The following ZNF225 variants were observed in gnomAD, a reference collection of about 807,000 sequenced individuals.
The protein encoded by ZNF225 is zinc finger protein 225.
In ZNF225, 6 loss-of-function variants were observed where a neutral mutation model predicts 12.0. That is an observed-to-expected ratio of 0.50 (90% CI 0.27 to 0.98). ZNF225 has a LOEUF of 0.98. Among genes scored for constraint, ZNF225 ranks in the 50% least tolerant of loss-of-function variants. ZNF225 has a pLI of 0.11. For missense variants in ZNF225, 763 were observed against 848.2 expected, an observed-to-expected ratio of 0.90 and a Z score of 1.25; for synonymous variants, 271 against 283.2, an observed-to-expected ratio of 0.96 and a Z score of 0.43.
At chr19:44,127,806 T>G (rs565851329) in intron 4 of ZNF225, among the ~76,000 whole-genome samples, 9 of 151,972 alleles carry the variant, frequency 5.9e-5, no homozygotes, top group Non-Finnish European at 1.3e-4. Flanking sequence ...GCCCAGCTAA[T>G]TTTTTTGTAT....
In ZNF225 at chr19:44,128,912, A is replaced by G. The variant is rs1968195900; in HGVS notation, c.236-1938A>G. ...ATATTTTTTCTGCTATCTGTTTTCA[A>G]TGAGACAGTCCAATAACTTCACATG... On this transcript the variant is annotated intron_variant, in intron 4 of 4. Transcript: ENST00000262894. 8.5e-6 allele frequency: 4 copies of G among 470,656 alleles called. No individual in the cohort carries two copies. In the South Asian group the frequency reaches 3.3e-4, roughly 39 times the overall value. 29.2% of individuals were successfully genotyped at this position (470,656 alleles called of 1,614,324 possible).
In ZNF225 at chr19:44,131,000, A is replaced by G. The variant is rs1968240365; in HGVS notation, c.386A>G (p.Asp129Gly). 2 of 1,614,086 alleles carry G rather than the reference A, an allele frequency of 1.2e-6. No individual in the cohort carries two copies. Among genetic ancestry groups the G allele is most frequent in the South Asian group, 1.1e-5 (1 of 91,090 alleles). The change falls in exon 5 of 5, where the codon GAT becomes GGT. Residue 129 changes from aspartate to glycine, a missense_variant. Coordinates refer to ENST00000262894, the MANE Select transcript of ZNF225 (RefSeq NM_013362.4). ...VNSFQFSKQD[D>G]MPCQVDAGLS... is the part of the protein sequence containing the mutation. ...AGCTTTCAGTTCTCCAAACAAGATG[A>G]TATGCCCTGCCAGGTTGATGCAGGA...
rs1247525838 is a variant in ZNF225, at chr19:44,132,786, ATG to A, written c.*55_*56del. On this transcript the variant is annotated 3_prime_UTR_variant, in exon 5 of 5. Coordinates refer to ENST00000262894, the MANE Select transcript of ZNF225 (RefSeq NM_013362.4). ...GTGTGATAGTTAATGCAAGTATACA[ATG>A]TGTAATGATCAAATCAGTGTAATTA... The A allele has an allele frequency of 2.2e-5, 30 of 1,383,646 alleles. No individual in the cohort carries two copies. The highest frequency in any genetic ancestry group is 3.9e-6 in the Non-Finnish European group (4 of 1,032,382). 85.7% of individuals were successfully genotyped at this position (1,383,646 alleles called of 1,614,324 possible).
In ZNF225 at chr19:44,133,495, A is replaced by G. The variant is rs1363566319; in HGVS notation, c.*760A>G. On this transcript the variant is annotated 3_prime_UTR_variant, in exon 5 of 5. Transcript: ENST00000262894. ...TGAGTGTCTTCAGCTGTCCTCATAC[A>G]TAATGCATGTGAGCTCGCTTTAAGC... 2 of 152,206 alleles carry G rather than the reference A, an allele frequency of 1.3e-5. No homozygotes were observed. The highest frequency in any genetic ancestry group is 2.4e-5 in the African/African-American group (1 of 41,458). The allele number at this position is 152,206 out of a possible 1,614,324, so 9.4% of individuals were successfully genotyped here.
rs1359242974 is a variant in ZNF225, at chr19:44,133,720, G to T, written c.*985G>T. 1.3e-5 allele frequency: 2 copies of T among 152,012 alleles called. No homozygotes were observed. The highest frequency in any genetic ancestry group is 4.8e-5 in the African/African-American group (2 of 41,362). 9.4% of individuals were successfully genotyped at this position (152,012 alleles called of 1,614,324 possible). A position where few individuals can be genotyped will look rare whatever the true frequency, so the allele number is the denominator to read the frequency against. On this transcript the variant is annotated 3_prime_UTR_variant, in exon 5 of 5. Coordinates refer to ENST00000262894, the MANE Select transcript of ZNF225 (RefSeq NM_013362.4). ...CGCCATTCCATTCATAGACACCGTG[G>T]TGATATTTTGAGTACATTAGGTTAA...
At position 44,124,730 on chromosome 19, in the gene ZNF225, A is replaced by G. The variant is rs1599677665; in HGVS notation, c.236-6120A>G. 2.0e-5 allele frequency among the ~76,000 whole-genome samples: 3 copies of G among 151,958 alleles called. No homozygotes were observed. The East Asian group carries it at 5.8e-4, about 29-fold the overall frequency. On this transcript the variant is annotated intron_variant, in intron 4 of 4. Transcript: ENST00000262894. ...GTGCATATATGTTTAGGATTATGAT[A>G]TTTTCCTGTTGGACAAGGCCTTTTA...
At position 44,134,067 on chromosome 19, in the gene ZNF225, T is replaced by C. The variant is rs1437705729; in HGVS notation, c.*1332T>C. ...TATGATTTGCTAAGAGGACTCAGAA[T>C]ATAGTTGTACTCATGACTATATTAT... is the stretch of plus-strand genomic sequence containing the variant. On this transcript the variant is annotated 3_prime_UTR_variant, in exon 5 of 5. Transcript: ENST00000262894. 1.3e-5 allele frequency: 2 copies of C among 152,096 alleles called. No homozygotes were observed. The highest frequency in any genetic ancestry group is 4.8e-5 in the African/African-American group (2 of 41,402). 9.4% of individuals were successfully genotyped at this position (152,096 alleles called of 1,614,324 possible).
In ZNF225 at chr19:44,130,938, A is replaced by G. The variant is rs1329238926; in HGVS notation, c.324A>G (p.Ser108=). The G allele has an allele frequency of 1.2e-6, 2 of 1,613,996 alleles. No homozygotes were observed. The highest frequency in any genetic ancestry group is 1.7e-6 in the Non-Finnish European group (2 of 1,179,864). ...GTCATCAAACCTGGGAACAAATTTCAAGTGACTTAACCAGGTTTCAAGACT... is the reference window on the plus strand; with the variant it reads ...GTCATCAAACCTGGGAACAAATTTCGAGTGACTTAACCAGGTTTCAAGACT... The part of the protein sequence containing the change: ...LFSHQTWEQI[S]SDLTRFQDSM... Residue 108 remains serine (S), a synonymous_variant, in exon 5 of 5, where the codon TCA becomes TCG. Coordinates refer to ENST00000262894, the MANE Select transcript of ZNF225 (RefSeq NM_013362.4).
At position 44,118,244 on chromosome 19, in the gene ZNF225, G is replaced by C. The variant is rs765426722; in HGVS notation, c.72G>C (p.Leu24=). The C allele has an allele frequency of 1.9e-6, 3 of 1,613,298 alleles. No individual in the cohort carries two copies. The highest frequency in any genetic ancestry group is 2.5e-6 in the Non-Finnish European group (3 of 1,179,678). ...TCTTCACTGAGGAAGAGCTGAGGCT[G>C]CTGGACCTTGCCCAGAGGAAACTGT... ...AVVFTEEELR[L]LDLAQRKLYR... is the part of the protein sequence containing the mutation. The change falls in exon 3 of 5, where the codon CTG becomes CTC. Residue 24 remains leucine (L), a synonymous_variant. Coordinates refer to ENST00000262894, the MANE Select transcript of ZNF225 (RefSeq NM_013362.4).
In ZNF225 at chr19:44,131,114, A is replaced by C. The variant is rs1296986405; in HGVS notation, c.500A>C (p.Gln167Pro). ...GATGTCTCCGTCCTTGATCTTCATCAACAACTACAGTCAAGAGAGAAGTCT... is the reference window on the plus strand; with the variant it reads ...GATGTCTCCGTCCTTGATCTTCATCCACAACTACAGTCAAGAGAGAAGTCT... ...FSDVSVLDLHQQLQSREKSHT... is the reference protein window; with the variant it reads ...FSDVSVLDLHPQLQSREKSHT... Residue 167 changes from glutamine (Q) to proline (P), a missense_variant, in exon 5 of 5, where the codon CAA becomes CCA. By Grantham distance (76) the Gln-to-Pro change is moderately conservative. Coordinates refer to ENST00000262894, the MANE Select transcript of ZNF225 (RefSeq NM_013362.4). The C allele has an allele frequency of 6.2e-7, 1 of 1,614,214 alleles. No homozygotes were observed. The highest frequency in any genetic ancestry group is 1.7e-5 in the Admixed American group (1 of 60,030).
At chr19:44,121,756 G>A (rs2356750) in intron 4 of ZNF225, among the ~76,000 whole-genome samples, 111,835 of 152,090 alleles carry the variant, frequency 0.74, 43,263 homozygotes, top group Non-Finnish European at 0.88. Flanking sequence ...GTGATTTTGA[G>A]CTTTTTAAAA....
At chr19:44,125,966 G>A (rs999983467) in intron 4 of ZNF225, among the ~76,000 whole-genome samples, 1 of 151,598 alleles carries the variant, frequency 6.6e-6, no homozygotes, top group Admixed American at 6.6e-5. Flanking sequence ...GGATTTCCTT[G>A]TGCTGGGCTT....
At position 44,119,018 on chromosome 19, in the gene ZNF225, G is replaced by A. The variant is rs372183661; in HGVS notation, c.235+444G>A. Among the ~76,000 whole-genome samples, 70 of 152,092 alleles carry A rather than the reference G, an allele frequency of 4.6e-4. 1 individual carries two copies. Among genetic ancestry groups the A allele is most frequent in the Admixed American group, 1.8e-3 (27 of 15,276 alleles). On this transcript the variant is annotated intron_variant, in intron 4 of 4. Transcript: ENST00000262894. ...TTTTTAGTAGAGACGGGGTTTCACC[G>A]TGTTAGCCAGGATGGTCTCGATCTC...
chr19:44,113,970 G>A (rs1181010905), intron 1 of ZNF225: 1 of 279,310 alleles, frequency 3.6e-6, no homozygotes, highest in African/African-American at 2.2e-5. Context: ...TGAAACTCCA[G>A]CTGCAGGGGC....
At chr19:44,128,003 A>C (rs1273389658) in intron 4 of ZNF225, among the ~76,000 whole-genome samples, 1 of 152,212 alleles carries the variant, frequency 6.6e-6, no homozygotes, top group Non-Finnish European at 1.5e-5. Context: ...CTCCTATACA[A>C]GGGGAAAAAA....
At chr19:44,118,351 C>T in intron 3 of ZNF225, 37 bp downstream of exon 3, 1 of 1,609,686 alleles carries the variant, frequency 6.2e-7, no homozygotes, top group Non-Finnish European at 8.5e-7. Context: ...AACATCAGGA[C>T]CAGGAGTGGC....
chr19:44,132,405 A>G lies in ZNF225; in HGVS notation c.1791A>G (p.Lys597=), dbSNP rs781409528. ...TCCATGGTGATGAAAAGCCATTCAA[A>G]TGTGAAGAGTGTGGGAAGAGATTTA... is the stretch of plus-strand genomic sequence containing the variant. The part of the protein sequence containing the change: ...KRLHGDEKPF[K]CEECGKRFTE... Residue 597 remains lysine (K), a synonymous_variant, in exon 5 of 5, where the codon AAA becomes AAG. Transcript: ENST00000262894. The G allele has an allele frequency of 6.1e-5, 99 of 1,614,112 alleles. No individual in the cohort carries two copies. Among genetic ancestry groups the G allele is most frequent in the Middle Eastern group, 3.3e-4 (2 of 6,084 alleles).
chr19:44,132,832 A>G lies in ZNF225; in HGVS notation c.*97A>G. The stretch of plus-strand genomic sequence containing the variant: ...GTAATTAACATACCTATCACCTCAA[A>G]CATTTATCATTTATTTATGTTGGGA... On this transcript the variant is annotated 3_prime_UTR_variant, in exon 5 of 5. Coordinates refer to ENST00000262894, the MANE Select transcript of ZNF225 (RefSeq NM_013362.4). 2.8e-6 allele frequency: 3 copies of G among 1,066,730 alleles called. No individual in the cohort carries two copies. 66.1% of individuals were successfully genotyped at this position (1,066,730 alleles called of 1,614,324 possible).
At chr19:44,129,378 C>T (rs1968202198) in intron 4 of ZNF225, 1 of 237,926 alleles carries the variant, frequency 4.2e-6, no homozygotes, top group Admixed American at 5.6e-5. Flanking sequence ...ATGCATATTA[C>T]AATTAGGAGA....
Sources: gnomAD v4.1 joint callset for allele counts (sites outside exome capture counted in the v4.1 genomes callset) on GRCh38, gnomAD v4.1.1 for gene constraint, MANE v1.5 for transcripts, NCBI Gene and HGNC (gene_info 2026-07-23, HGNC 2026-07-21) for gene names.